Variants in PRR15 observed in about 807,000 individuals in gnomAD.
PRR15 encodes proline rich 15.
Under a neutral mutation model 3.0 loss-of-function variants are expected in PRR15, and 4 were observed. The ratio of observed to expected loss-of-function variants is 1.34; its 90% confidence interval spans 0.66 to 3.08. The LOEUF (loss-of-function observed/expected upper bound fraction) is 3.08. Ranked by LOEUF, PRR15 falls within the 30% of genes most tolerant of loss-of-function variation. The pLI is 0.01. For missense variants in PRR15, 200 were observed against 179.5 expected (o/e 1.11, Z -0.65); for synonymous variants, 82 against 79.8 (o/e 1.03, Z -0.14).
At position 29,567,011 on chromosome 7, in the gene PRR15, C is replaced by T. The variant is rs1792927912; in HGVS notation, c.*292C>T. On this transcript the variant is annotated 3_prime_UTR_variant, in exon 2 of 2. Coordinates refer to ENST00000319694, the MANE Select transcript of PRR15 (RefSeq NM_175887.3). ...TTTTTCAAAAAGCTATTCTGGGGCCCTGGCCCCCTGGCTCCTGTCACAGCT... is the reference window on the plus strand; with the variant it reads ...TTTTTCAAAAAGCTATTCTGGGGCCTTGGCCCCCTGGCTCCTGTCACAGCT... 1 of 326,174 alleles carries T rather than the reference C, an allele frequency of 3.1e-6. No individual in the cohort carries two copies. The highest frequency in any genetic ancestry group is 5.8e-6 in the Non-Finnish European group (1 of 172,176). 20.2% of individuals were successfully genotyped at this position (326,174 alleles called of 1,614,324 possible).
Position 29,566,680 on chromosome 7 carries a change from G to A in PRR15, c.351G>A (p.Glu117=), listed in dbSNP as rs540200817. ...LLPEAGRSPE[E]AGFPGDPHED... ...CGGAGGCGGGCAGGTCCCCGGAGGA[G>A]GCAGGCTTTCCTGGTGACCCCCACG... The change falls in exon 2 of 2, where the codon GAG becomes GAA. Residue 117 remains glutamate (E), a synonymous_variant. Transcript: ENST00000319694. 1 of 1,568,736 alleles carries A rather than the reference G, an allele frequency of 6.4e-7. No individual in the cohort carries two copies. Among genetic ancestry groups the A allele is most frequent in the African/African-American group, 1.4e-5 (1 of 73,776 alleles).
chr7:29,565,639 G>A (rs1461395572), intron 1 of PRR15: 1 of 152,246 alleles, frequency 6.6e-6, no homozygotes, highest in African/African-American at 2.4e-5. Context: ...CTCCTGGGAC[G>A]AAAGTCGATG....
chr7:29,566,690 C>A lies in PRR15; in HGVS notation c.361C>A (p.Pro121Thr). 6.4e-7 allele frequency: 1 copy of A among 1,564,314 alleles called. No homozygotes were observed. Among genetic ancestry groups the A allele is most frequent in the Non-Finnish European group, 8.7e-7 (1 of 1,154,898 alleles). The change falls in exon 2 of 2, where the codon CCT (proline) becomes ACT (threonine). Residue 121 changes from proline to threonine, a missense_variant. Physicochemically the swap from Pro to Thr is conservative, Grantham distance 38 (BLOSUM62 -1). Coordinates refer to ENST00000319694, the MANE Select transcript of PRR15 (RefSeq NM_175887.3). ...CAGGTCCCCGGAGGAGGCAGGCTTTCCTGGTGACCCCCACGAGGACAAGCA... is the reference window on the plus strand; with the variant it reads ...CAGGTCCCCGGAGGAGGCAGGCTTTACTGGTGACCCCCACGAGGACAAGCA... ...AGRSPEEAGFPGDPHEDKQ is the reference protein window; with the variant it reads ...AGRSPEEAGFTGDPHEDKQ
rs1792932298 is a variant in PRR15 at position 29,567,255 on chromosome 7, C to A, written c.*536C>A. On this transcript the variant is annotated 3_prime_UTR_variant, in exon 2 of 2. Transcript: ENST00000319694. ...AATGTTAAACTACAAAACTGTACAGCCTATTTTAGTGTGGACTATTAAAAC... is the reference window on the plus strand; with the variant it reads ...AATGTTAAACTACAAAACTGTACAGACTATTTTAGTGTGGACTATTAAAAC... 6.0e-6 allele frequency: 1 copy of A among 167,316 alleles called. No homozygotes were observed. The highest frequency in any genetic ancestry group is 6.5e-5 in the Admixed American group (1 of 15,286). The allele number at this position is 167,316 out of a possible 1,614,324, so 10.4% of individuals were successfully genotyped here.
In PRR15 at chr7:29,566,960, G is replaced by A. The variant is rs1792925957; in HGVS notation, c.*241G>A. The A allele has an allele frequency of 4.6e-6, 2 of 438,802 alleles. No individual in the cohort carries two copies. Among genetic ancestry groups the A allele is most frequent in the South Asian group, 8.8e-5 (1 of 11,358 alleles). The allele number at this position is 438,802 out of a possible 1,614,324, so 27.2% of individuals were successfully genotyped here. ...TTTGTGGTAAGAGAAGATACCTGCC[G>A]CGGAGGAGGGTGGCATAATTATTTT... On this transcript the variant is annotated 3_prime_UTR_variant, in exon 2 of 2. Transcript: ENST00000319694.
rs1475976502 is a variant in PRR15, at chr7:29,566,492, A to G, written c.163A>G (p.Ser55Gly). 4 of 1,599,210 alleles carry G rather than the reference A, an allele frequency of 2.5e-6. No homozygotes were observed. Among genetic ancestry groups the G allele is most frequent in the Non-Finnish European group, 3.4e-6 (4 of 1,173,142 alleles). Residue 55 changes from serine (S) to glycine (G), a missense_variant, in exon 2 of 2, where the codon AGC (serine) becomes GGC (glycine). Transcript: ENST00000319694. ...PAPPSPDWTS[S>G]SRENQHPNLL... Reference sequence around the variant, plus strand: ...GCCGCCCAGCCCGGACTGGACCAGCAGCTCCCGGGAGAACCAGCACCCCAA... The same window carrying G: ...GCCGCCCAGCCCGGACTGGACCAGCGGCTCCCGGGAGAACCAGCACCCCAA...
Position 29,566,975 on chromosome 7 carries a change from A to T in PRR15, c.*256A>T. The T allele has an allele frequency of 3.1e-6, 1 of 323,470 alleles. No individual in the cohort carries two copies. The highest frequency in any genetic ancestry group is 3.8e-5 in the African/African-American group (1 of 26,082). The allele number at this position is 323,470 out of a possible 1,614,324, so 20.0% of individuals were successfully genotyped here. A position where few individuals can be genotyped will look rare whatever the true frequency, so the allele number is the denominator to read the frequency against. ...GATACCTGCCGCGGAGGAGGGTGGC[A>T]TAATTATTTTTTTTTCAAAAAGCTA... On this transcript the variant is annotated 3_prime_UTR_variant, in exon 2 of 2. Coordinates refer to ENST00000319694, the MANE Select transcript of PRR15 (RefSeq NM_175887.3).
Position 29,566,607 on chromosome 7 carries a change from G to A in PRR15, c.278G>A (p.Arg93His), listed in dbSNP as rs1438368614. The A allele has an allele frequency of 6.2e-7, 1 of 1,604,860 alleles. No individual in the cohort carries two copies. Among genetic ancestry groups the A allele is most frequent in the South Asian group, 1.1e-5 (1 of 89,750 alleles). ...GSSRRNLKIS[R>H]SGRFKEKRKV... is the part of the protein sequence containing the mutation. ...AGCCGCCGCAATTTGAAGATCTCGC[G>A]CTCCGGCCGCTTTAAGGAGAAGAGG... The change falls in exon 2 of 2, where the codon CGC becomes CAC. Residue 93 changes from arginine (R) to histidine (H), a missense_variant. Transcript: ENST00000319694.
chr7:29,564,530 C>T (rs932692352), intron 1 of PRR15, among the ~76,000 whole-genome samples, 153 bp downstream of exon 1: 6 of 152,132 alleles, frequency 3.9e-5, no homozygotes, highest in Non-Finnish European at 8.8e-5. Context: ...GTTTTCTGTA[C>T]TTTTGAGTAA....
In PRR15 at chr7:29,566,283, C is replaced by A; in HGVS notation, c.-47C>A. On this transcript the variant is annotated 5_prime_UTR_variant, in exon 2 of 2. Transcript: ENST00000319694. ...GGAGACCACGTGGAGAAAGGGGCCG[C>A]TTTGGCCCTTCCATCTGGGTGCCGG... 1 of 1,554,126 alleles carries A rather than the reference C, an allele frequency of 6.4e-7. No homozygotes were observed. The highest frequency in any genetic ancestry group is 8.6e-7 in the Non-Finnish European group (1 of 1,157,610).
rs747630652 is a variant in PRR15 at position 29,566,707 on chromosome 7, G to A, written c.378G>A (p.Glu126=). ...CAGGCTTTCCTGGTGACCCCCACGA[G>A]GACAAGCAGTAGCCCCAATAGCCTG... ...EEAGFPGDPH[E]DKQ The change falls in exon 2 of 2, where the codon GAG becomes GAA. Residue 126 remains glutamate (E), a synonymous_variant. Coordinates refer to ENST00000319694, the MANE Select transcript of PRR15 (RefSeq NM_175887.3). The A allele has an allele frequency of 6.4e-7, 1 of 1,558,516 alleles. No individual in the cohort carries two copies. Among genetic ancestry groups the A allele is most frequent in the Non-Finnish European group, 8.7e-7 (1 of 1,151,912 alleles).
At position 29,566,242 on chromosome 7, in the gene PRR15, G is replaced by A. The variant is rs1219398694; in HGVS notation, c.-88G>A. On this transcript the variant is annotated 5_prime_UTR_variant, in exon 2 of 2. Coordinates refer to ENST00000319694, the MANE Select transcript of PRR15 (RefSeq NM_175887.3). The stretch of plus-strand genomic sequence containing the variant: ...CCCACGTGTGGCAAGCCGGGGAAGG[G>A]GTGGAGTGAACGGCCGGAGACCACG... The A allele has an allele frequency of 1.4e-6, 2 of 1,401,522 alleles. No individual in the cohort carries two copies. Among genetic ancestry groups the A allele is most frequent in the Admixed American group, 2.5e-5 (1 of 39,690 alleles). The allele number at this position is 1,401,522 out of a possible 1,614,324, so 86.8% of individuals were successfully genotyped here.
chr7:29,566,128 TG>T lies in PRR15; in HGVS notation c.-145-49del, dbSNP rs34363119. Reference sequence around the variant, plus strand: ...GACAGCATAAGGGAGGAAAGGGGACTGGGGGGGGCACGTGACTTCAACCAAC... The same window carrying T: ...GACAGCATAAGGGAGGAAAGGGGACTGGGGGGGCACGTGACTTCAACCAAC... On this transcript the variant is annotated intron_variant, in intron 1 of 1. Coordinates refer to ENST00000319694, the MANE Select transcript of PRR15 (RefSeq NM_175887.3). 3.2e-3 allele frequency: 2,007 copies of T among 631,824 alleles called. 31 individuals are homozygous for T. In the African/African-American group the frequency reaches 0.033, roughly 10 times the overall value. 39.1% of individuals were successfully genotyped at this position (631,824 alleles called of 1,614,324 possible). A position where few individuals can be genotyped will look rare whatever the true frequency, so the allele number is the denominator to read the frequency against.
chr7:29,564,940 C>G (rs1432498493), intron 1 of PRR15, among the ~76,000 whole-genome samples: 30 of 152,238 alleles, frequency 2.0e-4, no homozygotes, highest in Non-Finnish European at 7.3e-5. Flanking sequence ...CTGGCGGTTC[C>G]GGGAGGAGAA....
At chr7:29,567,294 G>T, downstream of PRR15, 1 of 166,648 alleles carries the variant, frequency 6.0e-6, no homozygotes. Context: ...TGCACTGTAA[G>T]GCTTAAGGTG....
Position 29,567,247 on chromosome 7 carries a change from C to A in PRR15, c.*528C>A, listed in dbSNP as rs1486307478. 1 of 167,570 alleles carries A rather than the reference C, an allele frequency of 6.0e-6. No homozygotes were observed. The highest frequency in any genetic ancestry group is 1.5e-5 in the Non-Finnish European group (1 of 68,502). The allele number at this position is 167,570 out of a possible 1,614,324, so 10.4% of individuals were successfully genotyped here. A position where few individuals can be genotyped will look rare whatever the true frequency, so the allele number is the denominator to read the frequency against. ...TTGCTTTTAATGTTAAACTACAAAACTGTACAGCCTATTTTAGTGTGGACT... is the reference window on the plus strand; with the variant it reads ...TTGCTTTTAATGTTAAACTACAAAAATGTACAGCCTATTTTAGTGTGGACT... On this transcript the variant is annotated 3_prime_UTR_variant, in exon 2 of 2. Transcript: ENST00000319694.
chr7:29,566,490 G>A lies in PRR15; in HGVS notation c.161G>A (p.Ser54Asn). The change falls in exon 2 of 2, where the codon AGC (serine) becomes AAC (asparagine). Residue 54 changes from serine to asparagine, a missense_variant. Coordinates refer to ENST00000319694, the MANE Select transcript of PRR15 (RefSeq NM_175887.3). ...PPAPPSPDWT[S>N]SSRENQHPNL... The stretch of plus-strand genomic sequence containing the variant: ...GCGCCGCCCAGCCCGGACTGGACCA[G>A]CAGCTCCCGGGAGAACCAGCACCCC... 1 of 1,599,438 alleles carries A rather than the reference G, an allele frequency of 6.3e-7. No homozygotes were observed. Among genetic ancestry groups the A allele is most frequent in the Non-Finnish European group, 8.5e-7 (1 of 1,173,186 alleles).
At position 29,567,062 on chromosome 7, in the gene PRR15, A is replaced by C; in HGVS notation, c.*343A>C. 6 of 236,686 alleles carry C rather than the reference A, an allele frequency of 2.5e-5. No individual in the cohort carries two copies. The highest frequency in any genetic ancestry group is 1.5e-3 in the Middle Eastern group (1 of 664). The allele number at this position is 236,686 out of a possible 1,614,324, so 14.7% of individuals were successfully genotyped here. The stretch of plus-strand genomic sequence containing the variant: ...CAGCTTGAACTCTGTAGCCTCTCAA[A>C]TGAAGAAGGTGGCTGTTATTTAGGA... On this transcript the variant is annotated 3_prime_UTR_variant, in exon 2 of 2. Coordinates refer to ENST00000319694, the MANE Select transcript of PRR15 (RefSeq NM_175887.3).
chr7:29,564,967 C>G (rs1398221512), intron 1 of PRR15, among the ~76,000 whole-genome samples: 1 of 152,244 alleles, frequency 6.6e-6, no homozygotes, highest in Admixed American at 6.5e-5. Context: ...ACAACAAACA[C>G]CGCCGAAGTT....
Sources: gnomAD v4.1 joint callset for allele counts (sites outside exome capture counted in the v4.1 genomes callset) on GRCh38, gnomAD v4.1.1 for gene constraint, MANE v1.5 for transcripts, NCBI Gene and HGNC (gene_info 2026-07-23, HGNC 2026-07-21) for gene names.